The following PELI2 variants were observed in gnomAD, a reference collection of about 807,000 sequenced individuals.
PELI2 encodes the protein pellino E3 ubiquitin protein ligase family member 2.
In PELI2, 23 loss-of-function variants were observed where a neutral mutation model predicts 42.3. That is an observed-to-expected ratio of 0.54 (90% confidence interval 0.39 to 0.77). The LOEUF is 0.77. Ranked by LOEUF, PELI2 falls within the 30% of genes least tolerant of loss-of-function variation. The pLI is 0.00. For synonymous variants in PELI2, 245 were observed against 212.2 expected, an observed-to-expected ratio of 1.15 and a Z score of -1.34; for missense variants, 463 against 553.2, an observed-to-expected ratio of 0.84 and a Z score of 1.64.
In PELI2 at chr14:56,155,605, G is replaced by A. The variant is rs185429500; in HGVS notation, c.78-22730G>A. Among the ~76,000 whole-genome samples the A allele has an allele frequency of 2.1e-3, 304 of 147,452 alleles. 1 individual carries two copies. Among genetic ancestry groups the A allele is most frequent in the African/African-American group, 7.2e-3 (290 of 40,150 alleles). Reference sequence around the variant, plus strand: ...ACATTTTTTTTTTTTTTTTTGAGACGGAGTCTCGCTCTGTCACCCAGGCTG... The same window carrying A: ...ACATTTTTTTTTTTTTTTTTGAGACAGAGTCTCGCTCTGTCACCCAGGCTG... On this transcript the variant is annotated intron_variant, in intron 1 of 5. Transcript: ENST00000267460.
chr14:56,289,700 A>G (rs1889764573), intron 4 of PELI2, among the ~76,000 whole-genome samples: 1 of 152,024 alleles, frequency 6.6e-6, no homozygotes, highest in Non-Finnish European at 1.5e-5. Flanking sequence ...AGCACCCAAG[A>G]GTGTCTGTCC....
Position 56,219,293 on chromosome 14 carries a change from G to T in PELI2, c.207+40829G>T, listed in dbSNP as rs980895728. Among the ~76,000 whole-genome samples, 4 of 152,076 alleles carry T rather than the reference G, an allele frequency of 2.6e-5. No homozygotes were observed. The highest frequency in any genetic ancestry group is 4.4e-5 in the Non-Finnish European group (3 of 68,004). ...CTCCCCCGTACAGAGACAGATGGGG[G>T]CTCCAAAACTGAAAGAGGAGATCCC... On this transcript the variant is annotated intron_variant, in intron 2 of 5. Coordinates refer to ENST00000267460, the MANE Select transcript of PELI2 (RefSeq NM_021255.3). This position sits in a 1 kb window ranked among gnomAD's most constrained non-coding sequence, Gnocchi z 4.1.
chr14:56,142,161 AAAAC>A (rs1313811724), intron 1 of PELI2, among the ~76,000 whole-genome samples: 2 of 152,202 alleles, frequency 1.3e-5, no homozygotes, highest in African/African-American at 4.8e-5. Flanking sequence ...CTTTAAAGTT[AAAAC>A]AAACTCAAGG....
chr14:56,255,568 G>A (rs1888499522), intron 2 of PELI2, among the ~76,000 whole-genome samples: 1 of 152,174 alleles, frequency 6.6e-6, no homozygotes, highest in Non-Finnish European at 1.5e-5. Context: ...AACCACCATA[G>A]CACATGTATG....
chr14:56,295,373 G>A (rs779282297), intron 5 of PELI2, among the ~76,000 whole-genome samples: 2 of 151,902 alleles, frequency 1.3e-5, no homozygotes, highest in Non-Finnish European at 2.9e-5. Context: ...CCTGAACTGC[G>A]TCCATCCTTG....
intron 1 of PELI2, among the ~76,000 whole-genome samples, chr14:56,148,251 C>T (rs1053433450): frequency 6.6e-6 from 1 of 152,156 alleles, no homozygotes; most frequent in African/African-American, 2.4e-5. Flanking sequence ...CTCCTTATTC[C>T]TTTTCATCTT....
chr14:56,257,895 G>A (rs1888577140), intron 2 of PELI2, among the ~76,000 whole-genome samples: 1 of 152,214 alleles, frequency 6.6e-6, no homozygotes, highest in Admixed American at 6.5e-5. Flanking sequence ...CCAGAGATGA[G>A]GGGGCTTCAT....
chr14:56,162,512 T>A (rs1884801790), intron 1 of PELI2, among the ~76,000 whole-genome samples: 1 of 152,226 alleles, frequency 6.6e-6, no homozygotes, highest in Non-Finnish European at 1.5e-5. Context: ...CATTCATCTG[T>A]TGATGGATAC....
intron 2 of PELI2, among the ~76,000 whole-genome samples, chr14:56,193,787 A>G (rs1205130750): frequency 6.6e-6 from 1 of 152,242 alleles, no homozygotes; most frequent in Non-Finnish European, 1.5e-5. Context: ...TTTTAAGTTA[A>G]TGTGAGATTT....
At chr14:56,290,546 C>G (rs1889796091) in intron 5 of PELI2, 90 bp downstream of exon 5, 2 of 985,248 alleles carry the variant, frequency 2.0e-6, no homozygotes, top group African/African-American at 3.2e-5. Flanking sequence ...TGTTCAGAAC[C>G]TTTGTGCAGG....
At chr14:56,195,734 G>A (rs1006762422) in intron 2 of PELI2, among the ~76,000 whole-genome samples, 3 of 152,186 alleles carry the variant, frequency 2.0e-5, no homozygotes, top group African/African-American at 7.2e-5. Context: ...ATATTAAACC[G>A]TTTGTTAAGT....
Position 56,273,814 on chromosome 14 carries a change from C to T in PELI2, c.208-5862C>T, listed in dbSNP as rs549422210. ...CCAAACCATGTAATGATGCTGTACA[C>T]TGCAAGTGACAAAATGCCTAACGAA... On this transcript the variant is annotated intron_variant, in intron 2 of 5. Transcript: ENST00000267460. This position sits in a 1 kb window ranked among gnomAD's most constrained non-coding sequence, Gnocchi z 4.3. Among the ~76,000 whole-genome samples the T allele has an allele frequency of 5.3e-5, 8 of 152,300 alleles. No homozygotes were observed. In the South Asian group the frequency reaches 1.7e-3, roughly 32 times the overall value.
rs559153531 is a variant in PELI2, at chr14:56,147,169, A to G, written c.77+28432A>G. The stretch of plus-strand genomic sequence containing the variant: ...CCAAGTGATATTCCATTGTATATCA[A>G]TGGCCATGCCACATTTTGTTTATGT... On this transcript the variant is annotated intron_variant, in intron 1 of 5. Coordinates refer to ENST00000267460, the MANE Select transcript of PELI2 (RefSeq NM_021255.3). Among the ~76,000 whole-genome samples, 27 of 152,348 alleles carry G rather than the reference A, an allele frequency of 1.8e-4. 2 individuals carry two copies. In the South Asian group the frequency reaches 4.1e-3, roughly 23 times the overall value.
intron 2 of PELI2, among the ~76,000 whole-genome samples, chr14:56,189,465 G>A (rs551526637): frequency 1.0e-3 from 152 of 152,296 alleles, no homozygotes; most frequent in Non-Finnish European, 1.5e-3. Context: ...AACTTTCATG[G>A]CTCTCTGCCT....
intron 2 of PELI2, among the ~76,000 whole-genome samples, chr14:56,275,728 C>T (rs890758911): frequency 2.0e-5 from 3 of 152,252 alleles, no homozygotes; most frequent in Admixed American, 1.3e-4. Flanking sequence ...TGCTGTGTGC[C>T]GTGGTTCCTA....
intron 2 of PELI2, among the ~76,000 whole-genome samples, chr14:56,250,098 G>T (rs1888292812): frequency 6.6e-6 from 1 of 152,100 alleles, no homozygotes; most frequent in African/African-American, 2.4e-5. Context: ...TCTCCCTCTG[G>T]TAATGCCATG....
Position 56,288,761 on chromosome 14 carries a change from T to A in PELI2, c.507+127T>A. ...CTAGTGAGATTTTGAGATTTTAGTT[T>A]TCAGGTGGCCAGTTTGAGAAACTTG... On this transcript the variant is annotated intron_variant, in intron 4 of 5. Transcript: ENST00000267460. The surrounding 1 kb of genome is among the most constrained non-coding windows in gnomAD (Gnocchi z 4.6). 1.5e-6 allele frequency: 1 copy of A among 657,206 alleles called. No homozygotes were observed. Among genetic ancestry groups the A allele is most frequent in the South Asian group, 1.9e-5 (1 of 51,794 alleles). The allele number at this position is 657,206 out of a possible 1,614,324, so 40.7% of individuals were successfully genotyped here. A position where few individuals can be genotyped will look rare whatever the true frequency, so the allele number is the denominator to read the frequency against.
chr14:56,195,179 C>A (rs2139695338), intron 2 of PELI2, among the ~76,000 whole-genome samples: 1 of 152,328 alleles, frequency 6.6e-6, no homozygotes, highest in East Asian at 1.9e-4. Flanking sequence ...CGAAGAGAAT[C>A]TCTTTGGTAT....
At chr14:56,189,121 T>C (rs1336592511) in intron 2 of PELI2, among the ~76,000 whole-genome samples, 1 of 152,156 alleles carries the variant, frequency 6.6e-6, no homozygotes, top group African/African-American at 2.4e-5. Flanking sequence ...ATCTCGCCAC[T>C]GCACTCCAGC....
Sources: allele counts gnomAD v4.1 joint callset (sites outside exome capture counted in the v4.1 genomes callset), GRCh38; gene constraint gnomAD v4.1.1; non-coding constraint Gnocchi (gnomAD v3.1); transcripts MANE v1.5; gene names NCBI Gene and HGNC (gene_info 2026-07-23, HGNC 2026-07-21).